ANTXR1: variants seen among roughly 807,000 people sequenced by gnomAD.
ANTXR1 encodes anthrax toxin receptor 1.
Under a neutral mutation model 78.1 loss-of-function variants are expected in ANTXR1, and 19 were observed. The ratio of observed to expected loss-of-function variants is 0.24; its 90% confidence interval spans 0.17 to 0.36. The LOEUF (loss-of-function observed/expected upper bound fraction) is 0.36, where lower values mean the gene tolerates loss of function less well. Among genes scored for constraint, ANTXR1 ranks in the 10% least tolerant of loss-of-function variants. The pLI, the probability that ANTXR1 is intolerant of heterozygous loss-of-function variation, is 1.00. For missense variants in ANTXR1, 518 were observed against 718.6 expected (o/e 0.72, Z 3.19); for synonymous variants, 273 against 260.5 (o/e 1.05, Z -0.46).
chr2:69,155,851 G>A (rs1558606397), intron 13 of ANTXR1, among the ~76,000 whole-genome samples: 4 of 152,162 alleles, frequency 2.6e-5, no homozygotes, highest in Admixed American at 2.0e-4. Context: ...TCAGCAGGTA[G>A]CAAGACACTG....
intron 17 of ANTXR1, among the ~76,000 whole-genome samples, chr2:69,224,670 A>C (rs1675398516): frequency 6.6e-6 from 1 of 152,092 alleles, no homozygotes; most frequent in African/African-American, 2.4e-5. Flanking sequence ...CCTGCACAGC[A>C]GTCTTCAGAT....
At chr2:69,169,228 G>A (rs1673910148) in intron 13 of ANTXR1, among the ~76,000 whole-genome samples, 1 of 152,240 alleles carries the variant, frequency 6.6e-6, no homozygotes, top group Non-Finnish European at 1.5e-5. Flanking sequence ...AACTACAAAG[G>A]CAGCACCTGA....
intron 12 of ANTXR1, chr2:69,145,214 C>T (rs938421925): frequency 1.9e-5 from 21 of 1,077,868 alleles, no homozygotes; most frequent in African/African-American, 1.3e-4. Flanking sequence ...GGGGCTGATT[C>T]GCTTAAACTT....
chr2:69,222,167 C>A (rs1157138149), intron 17 of ANTXR1, among the ~76,000 whole-genome samples: 2 of 152,166 alleles, frequency 1.3e-5, no homozygotes, highest in East Asian at 3.8e-4. Flanking sequence ...TGTTAAAAAT[C>A]ACTCTCCTGT....
At chr2:69,241,462 A>C (rs1421254083) in intron 17 of ANTXR1, among the ~76,000 whole-genome samples, 8 of 152,166 alleles carry the variant, frequency 5.3e-5, no homozygotes, top group African/African-American at 1.9e-4. Flanking sequence ...GGATTTATTG[A>C]TGCCGAGTCT....
intron 12 of ANTXR1, among the ~76,000 whole-genome samples, chr2:69,150,455 C>T (rs902816672): frequency 1.3e-5 from 2 of 152,174 alleles, no homozygotes; most frequent in Non-Finnish European, 2.9e-5. Flanking sequence ...GCTCTAACAC[C>T]AAAGTGGGAA....
chr2:69,239,610 A>T (rs1675849530), intron 17 of ANTXR1, among the ~76,000 whole-genome samples: 1 of 152,230 alleles, frequency 6.6e-6, no homozygotes, highest in Non-Finnish European at 1.5e-5. Flanking sequence ...CTTGAACGTC[A>T]TCTAGCCGGT....
At chr2:69,069,697 G>T (rs979620110) in intron 3 of ANTXR1, among the ~76,000 whole-genome samples, 1 of 152,158 alleles carries the variant, frequency 6.6e-6, no homozygotes, top group South Asian at 2.1e-4. Flanking sequence ...CACTTTCAGT[G>T]GTTATTATGA....
chr2:69,065,516 C>T (rs1670373151), intron 3 of ANTXR1, among the ~76,000 whole-genome samples: 1 of 150,570 alleles, frequency 6.6e-6, no homozygotes, highest in African/African-American at 2.5e-5. Flanking sequence ...ACAGATCCTA[C>T]AAATGTTAAA....
chr2:69,094,557 G>A (rs559166304), intron 9 of ANTXR1, among the ~76,000 whole-genome samples: 4 of 152,276 alleles, frequency 2.6e-5, no homozygotes, highest in African/African-American at 9.6e-5. Context: ...TTCACTCTGT[G>A]AATTCCTTCT....
At chr2:69,230,273 A>G (rs1349351358) in intron 17 of ANTXR1, among the ~76,000 whole-genome samples, 1 of 151,938 alleles carries the variant, frequency 6.6e-6, no homozygotes, top group African/African-American at 2.4e-5. Flanking sequence ...TTTAAGCATC[A>G]GACAAGGAGG....
chr2:69,223,439 A>G (rs1011111084), intron 17 of ANTXR1, among the ~76,000 whole-genome samples: 1 of 152,196 alleles, frequency 6.6e-6, no homozygotes, highest in African/African-American at 2.4e-5. Flanking sequence ...GAAAGTCCTG[A>G]GTTTTCCTAC....
chr2:69,013,617 T>C lies in ANTXR1; in HGVS notation c.118T>C (p.Tyr40His). 6.4e-7 allele frequency: 1 copy of C among 1,556,482 alleles called. No homozygotes were observed. Among genetic ancestry groups the C allele is most frequent in the Non-Finnish European group, 8.7e-7 (1 of 1,149,010 alleles). Residue 40 changes from tyrosine (Y) to histidine (H), a missense_variant, in exon 1 of 18, where the codon TAC becomes CAC. By Grantham distance (83) the Tyr-to-His change is moderately conservative. Transcript: ENST00000303714. This position sits in a 1 kb window ranked among gnomAD's most constrained non-coding sequence, Gnocchi z 5.0. The stretch of plus-strand genomic sequence containing the variant: ...CAGGGAGGATGGGGGTCCAGCCTGC[T>C]ACGGCGGATTTGACCTGTACTTCAT... ...GRREDGGPAC[Y>H]GGFDLYFILD...
At chr2:69,175,308 A>C (rs941300178) in intron 14 of ANTXR1, among the ~76,000 whole-genome samples, 9 of 152,112 alleles carry the variant, frequency 5.9e-5, no homozygotes, top group Non-Finnish European at 1.5e-5. Context: ...CTCATCATGA[A>C]GCTTTAGAAT....
chr2:69,070,329 T>C (rs1670529223), intron 3 of ANTXR1, among the ~76,000 whole-genome samples: 5 of 152,146 alleles, frequency 3.3e-5, no homozygotes, highest in Non-Finnish European at 2.9e-5. Context: ...TTGCTGTGTG[T>C]CCCATCAGGA....
At chr2:69,171,475 C>T (rs978328735) in intron 14 of ANTXR1, among the ~76,000 whole-genome samples, 2 of 152,242 alleles carry the variant, frequency 1.3e-5, no homozygotes, top group Non-Finnish European at 2.9e-5. Context: ...GTGCAGCTAT[C>T]TCTTAGACTT....
chr2:69,187,923 CA>C, intron 16 of ANTXR1, among the ~76,000 whole-genome samples: 1 of 150,592 alleles, frequency 6.6e-6, no homozygotes, highest in Non-Finnish European at 1.5e-5. Context: ...AGTCAGGTGT[CA>C]GTTTATAGTG....
intron 3 of ANTXR1, among the ~76,000 whole-genome samples, chr2:69,052,124 A>G: frequency 6.6e-6 from 1 of 152,236 alleles, no homozygotes; most frequent in Non-Finnish European, 1.5e-5. Context: ...AAATATTTGC[A>G]TTGTATTTTA....
At chr2:69,200,100 C>A (rs895505426) in intron 17 of ANTXR1, among the ~76,000 whole-genome samples, 7 of 152,194 alleles carry the variant, frequency 4.6e-5, no homozygotes, top group Non-Finnish European at 1.0e-4. Flanking sequence ...AAATCGAACT[C>A]CATCCCACTT....
Sources: allele counts gnomAD v4.1 joint callset (sites outside exome capture counted in the v4.1 genomes callset), GRCh38; gene constraint gnomAD v4.1.1; non-coding constraint Gnocchi (gnomAD v3.1); transcripts MANE v1.5; gene names NCBI Gene and HGNC (gene_info 2026-07-23, HGNC 2026-07-21).